EDEM2: variants seen among roughly 807,000 people sequenced by gnomAD.
EDEM2 encodes the protein ER degradation enhancing alpha-mannosidase like protein 2.
EDEM2 carries 39 observed loss-of-function variants against 64.8 expected under a neutral mutation model. The ratio of observed to expected loss-of-function variants is 0.60; its 90% CI spans 0.47 to 0.79. EDEM2 has a LOEUF of 0.79. Ranked by LOEUF, EDEM2 falls within the 30% of genes least tolerant of loss-of-function variation. EDEM2 has a pLI of 0.00. For missense variants in EDEM2, 609 were observed against 731.3 expected, an observed-to-expected ratio of 0.83 and a Z score of 1.93; for synonymous variants, 296 against 291.5, an observed-to-expected ratio of 1.02 and a Z score of -0.16.
At chr20:35,129,625 T>C (rs540589449) in intron 7 of EDEM2, among the ~76,000 whole-genome samples, 111 of 152,186 alleles carry the variant, frequency 7.3e-4, no homozygotes, top group Non-Finnish European at 1.3e-3. Flanking sequence ...TAAATAAATT[T>C]AGTATAGCCT....
chr20:35,125,665 T>G (rs1259472111), intron 8 of EDEM2, among the ~76,000 whole-genome samples: 2 of 152,234 alleles, frequency 1.3e-5, no homozygotes, highest in Non-Finnish European at 2.9e-5. Context: ...ATTATAGGCC[T>G]GAGCCACCGC....
At chr20:35,137,802 C>A in intron 5 of EDEM2, 78 bp downstream of exon 5, 1 of 1,551,402 alleles carries the variant, frequency 6.4e-7, no homozygotes, top group Non-Finnish European at 8.7e-7. Flanking sequence ...ATTAATTCAG[C>A]ACTGCCACTC....
At chr20:35,129,632 GC>G (rs2085482210) in intron 7 of EDEM2, among the ~76,000 whole-genome samples, 1 of 151,706 alleles carries the variant, frequency 6.6e-6, no homozygotes, top group Non-Finnish European at 1.5e-5. Context: ...ATTTAGTATA[GC>G]CTAAGTGTAC....
chr20:35,129,888 T>C (rs755357546), intron 7 of EDEM2, among the ~76,000 whole-genome samples: 8 of 152,164 alleles, frequency 5.3e-5, no homozygotes, highest in Non-Finnish European at 1.0e-4. Context: ...CTACACCATA[T>C]AGCCTAGGTG....
intron 5 of EDEM2, among the ~76,000 whole-genome samples, chr20:35,136,754 GAAAAAAAAA>G (rs11481205): frequency 9.8e-6 from 1 of 102,230 alleles, no homozygotes; most frequent in Non-Finnish European, 1.9e-5. Flanking sequence ...GACCCTGTCT[GAAAAAAAAA>G]AAAAAAAAAA....
intron 3 of EDEM2, among the ~76,000 whole-genome samples, chr20:35,144,338 T>C (rs181880970): frequency 6.6e-6 from 1 of 152,272 alleles, no homozygotes; most frequent in East Asian, 1.9e-4. Context: ...ATTATTTCTT[T>C]ATAATTTTTT....
intron 9 of EDEM2, among the ~76,000 whole-genome samples, chr20:35,120,593 CTTTTTTT>C (rs5841194): frequency 0.011 from 1,017 of 95,096 alleles, 7 homozygotes; most frequent in African/African-American, 0.038. Context: ...TCGGCTTCTT[CTTTTTTT>C]TTTTTTTTTT....
chr20:35,115,458 C>T lies in EDEM2; in HGVS notation c.1712G>A (p.Gly571Glu), dbSNP rs1456423859. 1 of 1,612,998 alleles carries T rather than the reference C, an allele frequency of 6.2e-7. No individual in the cohort carries two copies. Among genetic ancestry groups the T allele is most frequent in the Non-Finnish European group, 8.5e-7 (1 of 1,179,844 alleles). ...TTATGAGGAGTCTAGGAAAACCTGT[C>T]CCAGTAATGCCAACTTGGAGGTGAA... ...QPFTSKLALL[G>E]QVFLDSS Residue 571 changes from glycine to glutamate, a missense_variant, in exon 11 of 11, where the codon GGA (glycine) becomes GAA (glutamate). Coordinates refer to ENST00000374492, the MANE Select transcript of EDEM2 (RefSeq NM_018217.3).
rs1370295012 is a variant in EDEM2, at chr20:35,115,817, C to T, written c.1353G>A (p.Gly451=). 4 of 1,613,842 alleles carry T rather than the reference C, an allele frequency of 2.5e-6. No homozygotes were observed. The highest frequency in any genetic ancestry group is 3.4e-6 in the Non-Finnish European group (4 of 1,180,032). ...GGGTGATCACCGCGTCGAAGGTGGA[C>T]CCATTGTTGTGGATGAAGTTGGTTG... ...FDPTNFIHNN[G]STFDAVITPY... is the part of the protein sequence containing the mutation. The change falls in exon 11 of 11, where the codon GGG becomes GGA. Residue 451 remains glycine (G), a synonymous_variant. Transcript: ENST00000374492.
intron 7 of EDEM2, among the ~76,000 whole-genome samples, chr20:35,127,774 T>C (rs2085454140): frequency 6.6e-6 from 1 of 152,194 alleles, no homozygotes; most frequent in African/African-American, 2.4e-5. Flanking sequence ...TGGATAGTAC[T>C]AAATAAACTC....
intron 3 of EDEM2, among the ~76,000 whole-genome samples, chr20:35,142,768 T>C (rs2085675269): frequency 6.6e-6 from 1 of 151,824 alleles, no homozygotes; most frequent in Admixed American, 6.6e-5. Flanking sequence ...TCTTAGGTTT[T>C]TTGTTTCGTT....
intron 9 of EDEM2, among the ~76,000 whole-genome samples, chr20:35,120,476 C>T (rs1001112209): frequency 6.6e-6 from 1 of 152,048 alleles, no homozygotes; most frequent in Admixed American, 6.6e-5. Context: ...TGCTCATATT[C>T]TAAGGCACAG....
chr20:35,146,877 G>A lies in EDEM2; in HGVS notation c.166C>T (p.Pro56Ser). 1.9e-6 allele frequency: 3 copies of A among 1,614,186 alleles called. No homozygotes were observed. Among genetic ancestry groups the A allele is most frequent in the Non-Finnish European group, 2.5e-6 (3 of 1,180,028 alleles). The change falls in exon 2 of 11, where the codon CCC (proline) becomes TCC (serine). Residue 56 changes from proline to serine, a missense_variant. Physicochemically the swap from Pro to Ser is moderately conservative, Grantham distance 74 (BLOSUM62 -1). Transcript: ENST00000374492. ...AYDSYLENAF[P>S]FDELRPLTCD... ...GTGAGAGGTCGCAGCTCATCGAAGG[G>A]AAAGGCATTCTCCAGGTAGCTGTCG...
chr20:35,120,327 T>G (rs1417096536), intron 9 of EDEM2, among the ~76,000 whole-genome samples: 1 of 152,100 alleles, frequency 6.6e-6, no homozygotes, highest in Non-Finnish European at 1.5e-5. Flanking sequence ...CTTCCTGAAG[T>G]GTTGAGATAA....
chr20:35,131,622 C>G lies in EDEM2; in HGVS notation c.844+20G>C, dbSNP rs1310498379. ...GCAAGAAAAATGAGGGGAAAAGCTC[C>G]CTTACTCTGCCATTTTTACCTAGGA... is the stretch of plus-strand genomic sequence containing the variant. On this transcript the variant is annotated intron_variant, in intron 7 of 10. Transcript: ENST00000374492. The G allele has an allele frequency of 6.2e-7, 1 of 1,610,374 alleles. No homozygotes were observed. Among genetic ancestry groups the G allele is most frequent in the South Asian group, 1.1e-5 (1 of 90,976 alleles).
At chr20:35,118,526 T>TCTA (rs752548197) in intron 10 of EDEM2, 72 bp downstream of exon 10, 2 of 1,606,254 alleles carry the variant, frequency 1.2e-6, no homozygotes, top group Admixed American at 1.7e-5. Flanking sequence ...CTCCCAAAGC[T>TCTA]CTACCCTTAA....
intron 6 of EDEM2, 140 bp from the exon 7 acceptor site, chr20:35,131,923 G>C: frequency 1.0e-6 from 1 of 995,598 alleles, no homozygotes; most frequent in South Asian, 1.7e-5. Context: ...ACCCTGAGAG[G>C]GAAGGGCAAT....
At chr20:35,123,189 TA>T (rs1441754253) in intron 9 of EDEM2, among the ~76,000 whole-genome samples, 1 of 152,184 alleles carries the variant, frequency 6.6e-6, no homozygotes, top group Admixed American at 6.6e-5. Flanking sequence ...AAGCATAATT[TA>T]TCTGACCCAT....
Position 35,126,340 on chromosome 20 carries a change from C to T in EDEM2, c.880G>A (p.Asp294Asn), listed in dbSNP as rs763833009. 18 of 1,613,952 alleles carry T rather than the reference C, an allele frequency of 1.1e-5. No homozygotes were observed. Among genetic ancestry groups the T allele is most frequent in the African/African-American group, 2.7e-5 (2 of 74,918 alleles). Residue 294 changes from aspartate to asparagine, a missense_variant, in exon 8 of 11, where the codon GAT (aspartate) becomes AAT (asparagine). Coordinates refer to ENST00000374492, the MANE Select transcript of EDEM2 (RefSeq NM_018217.3). ...NKAIRNYTRF[D>N]DWYLWVQMYK... is the part of the protein sequence containing the mutation. ...ATCTGAACCCACAGGTACCAGTCATCGAAGCGGGTGTAGTTCCGGATGGCT... is the reference window on the plus strand; with the variant it reads ...ATCTGAACCCACAGGTACCAGTCATTGAAGCGGGTGTAGTTCCGGATGGCT...
Sources: gnomAD v4.1 joint callset for allele counts (sites outside exome capture counted in the v4.1 genomes callset) on GRCh38, gnomAD v4.1.1 for gene constraint, MANE v1.5 for transcripts, NCBI Gene and HGNC (gene_info 2026-07-23, HGNC 2026-07-21) for gene names.